RFX4: variants seen among roughly 807,000 people sequenced by gnomAD.
RFX4 encodes the protein regulatory factor X4.
RFX4 carries 10 observed loss-of-function variants against 95.0 expected under a neutral mutation model. That is an observed-to-expected ratio of 0.11 (90% CI 0.06 to 0.18). RFX4 has a LOEUF of 0.18. Ranked by LOEUF, RFX4 falls within the 10% of genes least tolerant of loss-of-function variation. RFX4 has a pLI of 1.00. For synonymous variants in RFX4, 321 were observed against 340.7 expected (o/e 0.94, Z 0.64); for missense variants, 640 against 922.0 (o/e 0.69, Z 3.96).
intron 1 of RFX4, among the ~76,000 whole-genome samples, chr12:106,608,417 C>T (rs1325441213): frequency 4.6e-5 from 7 of 152,218 alleles, no homozygotes; most frequent in Non-Finnish European, 5.9e-5. Context: ...TTACAAATCA[C>T]CACCAGTGGT....
chr12:106,698,913 T>C (rs2041935604), intron 8 of RFX4, among the ~76,000 whole-genome samples: 1 of 152,092 alleles, frequency 6.6e-6, no homozygotes, highest in Admixed American at 6.5e-5. Flanking sequence ...TTATTGACTT[T>C]TGCTTTTTAT....
chr12:106,672,562 T>C (rs1028489371), intron 4 of RFX4, among the ~76,000 whole-genome samples: 2 of 152,198 alleles, frequency 1.3e-5, no homozygotes, highest in Non-Finnish European at 2.9e-5. Flanking sequence ...AGCTCAACTT[T>C]CACAGCTCCA....
intron 2 of RFX4, among the ~76,000 whole-genome samples, chr12:106,611,604 A>G (rs2039963174): frequency 1.3e-5 from 2 of 151,144 alleles, no homozygotes. Context: ...TCCGCCTCCC[A>G]GGTTCAAGTG....
chr12:106,639,024 G>A (rs976220060), intron 2 of RFX4, among the ~76,000 whole-genome samples: 3 of 152,146 alleles, frequency 2.0e-5, no homozygotes, highest in African/African-American at 7.2e-5. Context: ...TCCTGCTTCA[G>A]TTAGGAAAAT....
intron 17 of RFX4, among the ~76,000 whole-genome samples, chr12:106,756,379 T>C (rs1019447842): frequency 1.3e-5 from 2 of 152,250 alleles, no homozygotes; most frequent in Non-Finnish European, 2.9e-5. Context: ...AAAAGCCATT[T>C]GATCACACTT....
At position 106,672,565 on chromosome 12, in the gene RFX4, C is replaced by T. The variant is rs548321670; in HGVS notation, c.316-9428C>T. Among the ~76,000 whole-genome samples, 7 of 152,332 alleles carry T rather than the reference C, an allele frequency of 4.6e-5. No homozygotes were observed. In the South Asian group the frequency reaches 1.4e-3, roughly 32 times the overall value. The stretch of plus-strand genomic sequence containing the variant: ...ATCAAACAGCGAAGCTCAACTTTCA[C>T]AGCTCCACAAAAGTGTTTTACTGTT... On this transcript the variant is annotated intron_variant, in intron 4 of 17. Transcript: ENST00000392842.
chr12:106,761,434 A>G lies in RFX4; in HGVS notation c.2173A>G (p.Ile725Val), dbSNP rs1236449089. 7 of 1,613,960 alleles carry G rather than the reference A, an allele frequency of 4.3e-6. No individual in the cohort carries two copies. Among genetic ancestry groups the G allele is most frequent in the African/African-American group, 2.7e-5 (2 of 74,920 alleles). ...HMQHFPGFAY[I>V]NGEASTGWAK ...GCAACACTTTCCTGGCTTTGCTTAC[A>G]TCAACGGAGAGGCCTCTACAGGATG... The change falls in exon 18 of 18, where the codon ATC becomes GTC. Residue 725 changes from isoleucine to valine, a missense_variant. Ile to Val is a conservative substitution (Grantham distance 29). Transcript: ENST00000392842.
At chr12:106,611,546 T>C (rs924864118) in intron 2 of RFX4, among the ~76,000 whole-genome samples, 3 of 151,868 alleles carry the variant, frequency 2.0e-5, no homozygotes, top group Non-Finnish European at 2.9e-5. Context: ...AGTCTCACTC[T>C]GTTGCCCAGG....
At chr12:106,722,238 T>C (rs1198069843) in intron 13 of RFX4, among the ~76,000 whole-genome samples, 1 of 152,252 alleles carries the variant, frequency 6.6e-6, no homozygotes, top group Non-Finnish European at 1.5e-5. Context: ...TTGAGATTTC[T>C]TCATTGCTTC....
chr12:106,590,886 G>C (rs767968874), intron 1 of RFX4, among the ~76,000 whole-genome samples: 1 of 152,080 alleles, frequency 6.6e-6, no homozygotes, highest in African/African-American at 2.4e-5. Flanking sequence ...GTTCAAGGCT[G>C]TACTGAGCTC....
chr12:106,607,475 C>T (rs1452571994), intron 1 of RFX4, among the ~76,000 whole-genome samples: 3 of 145,108 alleles, frequency 2.1e-5, no homozygotes, highest in Non-Finnish European at 4.5e-5. Context: ...GCAGGTGTGA[C>T]TCATAACACA....
At chr12:106,739,289 C>T (rs1416067765) in intron 15 of RFX4, among the ~76,000 whole-genome samples, 2 of 152,098 alleles carry the variant, frequency 1.3e-5, no homozygotes, top group African/African-American at 4.8e-5. Flanking sequence ...GTAAATATTA[C>T]CAGGTTTGAC....
At chr12:106,728,736 C>G (rs796705887) in intron 13 of RFX4, among the ~76,000 whole-genome samples, 42 of 152,158 alleles carry the variant, frequency 2.8e-4, no homozygotes, top group African/African-American at 7.5e-4. Context: ...CTCATCGCTG[C>G]GACACTCTGG....
intron 8 of RFX4, among the ~76,000 whole-genome samples, chr12:106,708,357 C>T (rs573990260): frequency 1.0e-3 from 152 of 150,440 alleles, no homozygotes; most frequent in Non-Finnish European, 1.7e-3. Context: ...TTTTTTTTTC[C>T]CTGAGAAGTA....
rs1592919967 is a variant in RFX4 at position 106,670,796 on chromosome 12, T to C, written c.316-11197T>C. On this transcript the variant is annotated intron_variant, in intron 4 of 17. Coordinates refer to ENST00000392842, the MANE Select transcript of RFX4 (RefSeq NM_213594.3). ...TAGGATGTTTTACAGTCCCCATTCA[T>C]ATCACCAGCTTTAATTATTTTTTCT... is the stretch of plus-strand genomic sequence containing the variant. 3.9e-5 allele frequency among the ~76,000 whole-genome samples: 6 copies of C among 152,310 alleles called. No individual in the cohort carries two copies. The South Asian group carries it at 1.2e-3, about 32-fold the overall frequency.
At position 106,618,054 on chromosome 12, in the gene RFX4, A is replaced by G. The variant is rs532828804; in HGVS notation, c.130+9171A>G. Reference sequence around the variant, plus strand: ...ATGTATATTTTAAATGTCCCAACATATAGTCTATTTTGGTTAATGCCCATG... The same window carrying G: ...ATGTATATTTTAAATGTCCCAACATGTAGTCTATTTTGGTTAATGCCCATG... On this transcript the variant is annotated intron_variant, in intron 2 of 17. Transcript: ENST00000392842. Among the ~76,000 whole-genome samples, 205 of 152,276 alleles carry G rather than the reference A, an allele frequency of 1.3e-3. 1 individual carries two copies. The highest frequency in any genetic ancestry group is 4.6e-3 in the African/African-American group (193 of 41,556).
chr12:106,694,220 C>G (rs138518445), intron 7 of RFX4, among the ~76,000 whole-genome samples: 234 of 152,332 alleles, frequency 1.5e-3, no homozygotes, highest in Non-Finnish European at 2.5e-3. Context: ...CCACTTCTCT[C>G]CTAGGAAGTC....
At position 106,654,305 on chromosome 12, in the gene RFX4, G is replaced by A. The variant is rs770785536; in HGVS notation, c.269G>A (p.Cys90Tyr). The A allele has an allele frequency of 6.2e-7, 1 of 1,614,060 alleles. No individual in the cohort carries two copies. Among genetic ancestry groups the A allele is most frequent in the African/African-American group, 1.3e-5 (1 of 75,036 alleles). ...SALYMHYLDF[C>Y]EKNDTQPVNA... The stretch of plus-strand genomic sequence containing the variant: ...CTCTATATGCATTACCTGGATTTCT[G>A]CGAGAAGAATGATACCCAACCTGTC... The change falls in exon 4 of 18, where the codon TGC becomes TAC. Residue 90 changes from cysteine to tyrosine, a missense_variant. By Grantham distance (194) the Cys-to-Tyr change is radical (BLOSUM62 -2). Transcript: ENST00000392842.
rs183495997 is a variant in RFX4, at chr12:106,715,434, C to T, written c.1028C>T (p.Thr343Met). 1.8e-5 allele frequency: 29 copies of T among 1,614,162 alleles called. No individual in the cohort carries two copies. The highest frequency in any genetic ancestry group is 1.0e-4 in the Admixed American group (6 of 60,014). ...SRTVIHSADITFQMLEDWRNV... is the reference protein window; with the variant it reads ...SRTVIHSADIMFQMLEDWRNV... ...ACAGTGATCCACAGTGCAGACATCA[C>T]GTTCCAAATGCTGGAAGACTGGAGG... The change falls in exon 11 of 18, where the codon ACG becomes ATG. Residue 343 changes from threonine to methionine, a missense_variant. Physicochemically the swap from Thr to Met is moderately conservative, Grantham distance 81 (BLOSUM62 -1). This residue lies in a region of RFX4 where 96 missense variants were observed against 183.7 expected (regional missense o/e 0.52). Coordinates refer to ENST00000392842, the MANE Select transcript of RFX4 (RefSeq NM_213594.3).
Sources: allele counts gnomAD v4.1 joint callset (sites outside exome capture counted in the v4.1 genomes callset), GRCh38; gene constraint gnomAD v4.1.1; regional missense constraint gnomAD v4.1.1; transcripts MANE v1.5; gene names NCBI Gene and HGNC (gene_info 2026-07-23, HGNC 2026-07-21).